TLCD4: variants seen among roughly 807,000 people sequenced by gnomAD.
TLCD4 encodes the protein TLC domain-containing protein 4.
A neutral mutation model predicts 24.2 loss-of-function variants in TLCD4; 7 were observed. The observed-to-expected ratio is 0.29, with a 90% CI of 0.16 to 0.54. The LOEUF (loss-of-function observed/expected upper bound fraction) is 0.54, where lower values mean the gene tolerates loss of function less well. TLCD4 is among the 20% of genes least tolerant of loss of function. TLCD4 has a pLI of 0.95. For synonymous variants in TLCD4, 103 were observed against 106.4 expected (o/e 0.97, Z 0.20); for missense variants, 259 against 313.9 (o/e 0.82, Z 1.32).
chr1:95,176,828 A>G (rs1265754737), intron 6 of TLCD4, among the ~76,000 whole-genome samples: 2 of 152,160 alleles, frequency 1.3e-5, no homozygotes, highest in African/African-American at 4.8e-5. Context: ...TATATATGGT[A>G]TAGGGGTCCA....
At chr1:95,092,731 A>T in the TLCD4 span, among the ~76,000 whole-genome samples, 1 of 152,142 alleles carries the variant, frequency 6.6e-6, no homozygotes, top group Non-Finnish European at 1.5e-5. Context: ...GAGCTGTAAC[A>T]CTCACCGCGA....
At chr1:95,174,167 C>T (rs1678334835) in intron 6 of TLCD4, 2 of 445,872 alleles carry the variant, frequency 4.5e-6, no homozygotes, top group South Asian at 3.0e-5. Context: ...ATTCTTTCAC[C>T]CTCCACGTTG....
intron 1 of TLCD4, among the ~76,000 whole-genome samples, chr1:95,125,236 A>G (rs1020317366): frequency 2.6e-5 from 4 of 152,184 alleles, no homozygotes; most frequent in Non-Finnish European, 5.9e-5. Flanking sequence ...GAATTTAAAC[A>G]TGAGGTTGAG....
rs773778088 is a variant in TLCD4 at position 95,144,054 on chromosome 1, A to C, written c.153A>C (p.Ser51=). 5 of 1,495,870 alleles carry C rather than the reference A, an allele frequency of 3.3e-6. No individual in the cohort carries two copies. Among genetic ancestry groups the C allele is most frequent in the Non-Finnish European group, 4.4e-6 (5 of 1,126,220 alleles). 92.7% of individuals were successfully genotyped at this position (1,495,870 alleles called of 1,614,324 possible). A position where few individuals can be genotyped will look rare whatever the true frequency, so the allele number is the denominator to read the frequency against. The change falls in exon 2 of 7, where the codon TCA becomes TCC. Residue 51 remains serine (S), a splice_region_variant and synonymous_variant. Transcript: ENST00000370203. ...LSFKKKIEWN[S]RVVSTCHSLV... Reference sequence around the variant, plus strand: ...TCAAAAAGAAGATTGAATGGAACTCAAGGTAAAGCATATGAAAATGTAATT... The same window carrying C: ...TCAAAAAGAAGATTGAATGGAACTCCAGGTAAAGCATATGAAAATGTAATT...
chr1:95,169,144 T>C (rs538140424), intron 5 of TLCD4, among the ~76,000 whole-genome samples: 7 of 152,324 alleles, frequency 4.6e-5, no homozygotes, highest in African/African-American at 1.7e-4. Context: ...TACCTTGGAC[T>C]CACCTGGAGG....
chr1:95,185,319 T>G (rs1162050387), intron 6 of TLCD4, among the ~76,000 whole-genome samples: 1 of 152,222 alleles, frequency 6.6e-6, no homozygotes, highest in African/African-American at 2.4e-5. Flanking sequence ...GAATAAATCC[T>G]AGAAGATGAG....
At chr1:95,191,110 A>G (rs1043761315) in intron 6 of TLCD4, among the ~76,000 whole-genome samples, 1 of 152,004 alleles carries the variant, frequency 6.6e-6, no homozygotes, top group Non-Finnish European at 1.5e-5. Context: ...TGCATTTTAC[A>G]TTTAGGTCTA....
intron 1 of TLCD4, among the ~76,000 whole-genome samples, chr1:95,123,693 A>G (rs1323114619): frequency 2.6e-5 from 4 of 152,144 alleles, no homozygotes; most frequent in African/African-American, 9.7e-5. Flanking sequence ...GCCCAGAGTT[A>G]TTTAGTTTTG....
intron 5 of TLCD4, among the ~76,000 whole-genome samples, chr1:95,170,371 C>T (rs1161084775): frequency 1.3e-5 from 2 of 150,344 alleles, no homozygotes; most frequent in Non-Finnish European, 3.0e-5. Context: ...GCTCTGTCCC[C>T]CAGGCTGGAG....
intron 4 of TLCD4, 49 bp from the exon 5 acceptor site, chr1:95,151,276 G>C: frequency 6.3e-7 from 1 of 1,586,952 alleles, no homozygotes; most frequent in Non-Finnish European, 8.6e-7. Context: ...TTGAAAAACA[G>C]TGCAACTTTC....
intron 5 of TLCD4, among the ~76,000 whole-genome samples, chr1:95,157,137 T>C (rs1677655813): frequency 6.6e-6 from 1 of 152,212 alleles, no homozygotes; most frequent in South Asian, 2.1e-4. Context: ...AATTCATTTT[T>C]ATTTGAGGAT....
intron 6 of TLCD4, among the ~76,000 whole-genome samples, chr1:95,175,212 A>T (rs1393361381): frequency 1.3e-5 from 2 of 152,240 alleles, no homozygotes; most frequent in African/African-American, 4.8e-5. Flanking sequence ...CTCTCCTGCA[A>T]GTCCTAGACA....
In TLCD4 at chr1:95,167,280, C is replaced by T. The variant is rs550194563; in HGVS notation, c.400-6536C>T. On this transcript the variant is annotated intron_variant, in intron 5 of 6. Transcript: ENST00000370203. ...CAGGCGTATTGTCATTAACTGTCTC[C>T]GCCTCCCAAAACTTAATTGCTTTTA... Among the ~76,000 whole-genome samples the T allele has an allele frequency of 2.1e-4, 32 of 152,192 alleles. No homozygotes were observed. In the South Asian group the frequency reaches 3.7e-3, roughly 18 times the overall value.
the TLCD4 span, among the ~76,000 whole-genome samples, chr1:95,099,002 G>A: frequency 2.3e-5 from 3 of 129,010 alleles, no homozygotes; most frequent in South Asian, 5.1e-4. Flanking sequence ...GTGGTGAGCC[G>A]AGATCGTGCC....
At chr1:95,188,779 A>G (rs916217698) in intron 6 of TLCD4, among the ~76,000 whole-genome samples, 15 of 152,242 alleles carry the variant, frequency 9.9e-5, no homozygotes, top group African/African-American at 3.6e-4. Context: ...TAACAGGTTC[A>G]TATTGTATAT....
At chr1:95,116,111 T>C (rs1267842344), upstream of TLCD4, among the ~76,000 whole-genome samples, 2 of 152,212 alleles carry the variant, frequency 1.3e-5, no homozygotes, top group Non-Finnish European at 2.9e-5. Context: ...CTGAAAGATC[T>C]TTCTCTCTGC....
intron 1 of TLCD4, among the ~76,000 whole-genome samples, chr1:95,141,278 ATACAG>A (rs201421831): frequency 0.017 from 2,660 of 152,316 alleles, 87 homozygotes; most frequent in African/African-American, 0.061. Flanking sequence ...GTGCTTTTAA[ATACAG>A]TAGTTAAATG....
intron 5 of TLCD4, among the ~76,000 whole-genome samples, chr1:95,151,990 A>G (rs1677506504): frequency 6.6e-6 from 1 of 152,024 alleles, no homozygotes; most frequent in Non-Finnish European, 1.5e-5. Context: ...TATTCCTTGT[A>G]TGTTTGTTAG....
chr1:95,183,528 T>C (rs948083688), intron 6 of TLCD4, among the ~76,000 whole-genome samples: 1 of 152,084 alleles, frequency 6.6e-6, no homozygotes, highest in African/African-American at 2.4e-5. Context: ...TTTAGAAGAT[T>C]AGAGTTAAAT....
Sources: gnomAD v4.1 joint callset for allele counts (sites outside exome capture counted in the v4.1 genomes callset) on GRCh38, gnomAD v4.1.1 for gene constraint, MANE v1.5 for transcripts, NCBI Gene and HGNC (gene_info 2026-07-23, HGNC 2026-07-21) for gene names.